ZNF529: variants seen among roughly 807,000 people sequenced by gnomAD.
ZNF529 encodes zinc finger protein 529.
In ZNF529, 11 loss-of-function variants were observed where a neutral mutation model predicts 10.1. The observed-to-expected ratio is 1.09, with a 90% CI of 0.69 to 1.81. The LOEUF is 1.81. Among genes scored for constraint, ZNF529 ranks in the 40% most tolerant of loss-of-function variants. ZNF529 has a pLI of 0.00. For synonymous variants in ZNF529, 204 were observed against 215.7 expected (o/e 0.95, Z 0.47); for missense variants, 624 against 666.8 (o/e 0.94, Z 0.71).
At chr19:36,602,632 A>G (rs2036945370) in intron 1 of ZNF529, among the ~76,000 whole-genome samples, 1 of 152,142 alleles carries the variant, frequency 6.6e-6, no homozygotes, top group South Asian at 2.1e-4. Context: ...GGGGGAAAAA[A>G]AGAAAAAAAC....
chr19:36,575,927 C>A (rs778876431), upstream of ZNF529, among the ~76,000 whole-genome samples: 5 of 151,986 alleles, frequency 3.3e-5, no homozygotes, highest in African/African-American at 4.8e-5. Flanking sequence ...TGGCTCCCTG[C>A]GACCTCTGCC....
chr19:36,555,109 C>T (rs2035414618), intron 3 of ZNF529, among the ~76,000 whole-genome samples: 1 of 152,144 alleles, frequency 6.6e-6, no homozygotes. Flanking sequence ...ATGTGCCTGC[C>T]TCATGAATCA....
Position 36,580,021 on chromosome 19 carries a change from A to T in ZNF529, c.-41+9594T>A, listed in dbSNP as rs977416847. 4.6e-5 allele frequency among the ~76,000 whole-genome samples: 7 copies of T among 152,260 alleles called. No homozygotes were observed. The East Asian group carries it at 9.6e-4, about 21-fold the overall frequency. On this transcript the variant is annotated intron_variant, in intron 2 of 4. Coordinates refer to the ZNF529 transcript ENST00000585960. ...TCTATAGGCTTTTTTCTATTTAAAAATTTTTTTGTTTTAAAAATGTTTGTT... is the reference window on the plus strand; with the variant it reads ...TCTATAGGCTTTTTTCTATTTAAAATTTTTTTTGTTTTAAAAATGTTTGTT...
At chr19:36,557,644 C>G (rs2035531307) in intron 2 of ZNF529, among the ~76,000 whole-genome samples, 1 of 152,192 alleles carries the variant, frequency 6.6e-6, no homozygotes, top group Non-Finnish European at 1.5e-5. Context: ...GGTGGAGATA[C>G]AAGAGCCAAA....
At chr19:36,563,544 T>C (rs34142892) in intron 2 of ZNF529, among the ~76,000 whole-genome samples, 5,923 of 152,016 alleles carry the variant, frequency 0.039, 151 homozygotes, top group Non-Finnish European at 0.057. Context: ...CCATTTACAA[T>C]TGCCACTAAA....
chr19:36,596,521 TTTC>T (rs1264311448), intron 1 of ZNF529, among the ~76,000 whole-genome samples: 3 of 151,804 alleles, frequency 2.0e-5, no homozygotes, highest in Admixed American at 6.6e-5. Context: ...CAACTTTTTT[TTTC>T]TTCTTTTTTT....
intron 1 of ZNF529, among the ~76,000 whole-genome samples, chr19:36,601,141 G>A (rs1198506914): frequency 6.7e-6 from 1 of 150,082 alleles, no homozygotes; most frequent in Non-Finnish European, 1.5e-5. Context: ...TGCTTTTTCT[G>A]TTGGAACCTT....
At chr19:36,593,864 G>C (rs1160420926) in intron 1 of ZNF529, 1 of 152,190 alleles carries the variant, frequency 6.6e-6, no homozygotes, top group East Asian at 1.9e-4. Flanking sequence ...AGACCACAGA[G>C]GCAAGAGCTG....
chr19:36,583,537 A>C (rs1271087232), intron 2 of ZNF529, among the ~76,000 whole-genome samples: 1 of 152,178 alleles, frequency 6.6e-6, no homozygotes, highest in Non-Finnish European at 1.5e-5. Flanking sequence ...TGCCCCACCG[A>C]GATGAGCTCA....
rs746817773 is a variant in ZNF529 at position 36,562,834 on chromosome 19, A to G, written c.15-6637T>C. 7.2e-4 allele frequency among the ~76,000 whole-genome samples: 43 copies of G among 59,994 alleles called. No homozygotes were observed. In the South Asian group the frequency reaches 8.1e-3, roughly 11 times the overall value. The allele number at this position is 59,994 out of a possible 152,430, so 39.4% of individuals were successfully genotyped here. ...CGACAGAGCAACACTCTGTCTCCAGAAAAAAAAAAAAAAAAAGAAGGTGGA... is the reference window on the plus strand; with the variant it reads ...CGACAGAGCAACACTCTGTCTCCAGGAAAAAAAAAAAAAAAAGAAGGTGGA... On this transcript the variant is annotated intron_variant, in intron 2 of 4. Coordinates refer to ENST00000591340, the MANE Select transcript of ZNF529 (RefSeq NM_020951.5).
chr19:36,565,112 CAA>C (rs1289605667), intron 2 of ZNF529, among the ~76,000 whole-genome samples: 4 of 152,016 alleles, frequency 2.6e-5, no homozygotes, highest in Non-Finnish European at 5.9e-5. Flanking sequence ...GGGAGAGAAA[CAA>C]GAGTTGAAAA....
intron 4 of ZNF529, among the ~76,000 whole-genome samples, chr19:36,554,194 C>T (rs985483959): frequency 6.6e-6 from 1 of 152,154 alleles, no homozygotes; most frequent in Non-Finnish European, 1.5e-5. Flanking sequence ...GTAAGAATAT[C>T]ATGAAGAATG....
chr19:36,605,538 G>T (rs547580336), upstream of ZNF529: 2 of 152,374 alleles, frequency 1.3e-5, no homozygotes, highest in East Asian at 3.9e-4. Context: ...GCCGGGCCTC[G>T]GGCGTGGTCC....
chr19:36,569,030 A>G (rs886448629), intron 2 of ZNF529, among the ~76,000 whole-genome samples: 2 of 152,238 alleles, frequency 1.3e-5, no homozygotes, highest in Admixed American at 6.5e-5. Flanking sequence ...GTGAGACCCT[A>G]TGAAATTAAG....
At chr19:36,601,733 T>C (rs1326505532) in intron 1 of ZNF529, among the ~76,000 whole-genome samples, 1 of 152,056 alleles carries the variant, frequency 6.6e-6, no homozygotes. Context: ...AACAGAAAGA[T>C]ATTGAGTATA....
chr19:36,563,975 A>C (rs1364892029), intron 2 of ZNF529, among the ~76,000 whole-genome samples: 3 of 152,200 alleles, frequency 2.0e-5, no homozygotes, highest in African/African-American at 7.2e-5. Flanking sequence ...ACCTACAACC[A>C]ACTGATCTTT....
At position 36,546,927 on chromosome 19, in the gene ZNF529, C is replaced by G; in HGVS notation, c.1631G>C (p.Ser544Thr). 1.2e-6 allele frequency: 2 copies of G among 1,613,718 alleles called. No homozygotes were observed. The highest frequency in any genetic ancestry group is 1.7e-6 in the Non-Finnish European group (2 of 1,179,752). ...TTGGCAAGTAAGATGCCCAACAACACTAAAGGAATTCCCACACTCCTTACA... is the reference window on the plus strand; with the variant it reads ...TTGGCAAGTAAGATGCCCAACAACAGTAAAGGAATTCCCACACTCCTTACA... ...YECKECGNSF[S>T]VVGHLTCQPK... Residue 544 changes from serine (S) to threonine (T), a missense_variant, in exon 5 of 5, where the codon AGT becomes ACT. Coordinates refer to ENST00000591340, the MANE Select transcript of ZNF529 (RefSeq NM_020951.5).
chr19:36,574,963 G>C (rs143258526), upstream of ZNF529: 232 of 467,010 alleles, frequency 5.0e-4, no homozygotes, highest in Non-Finnish European at 1.5e-4. Flanking sequence ...GTTGTGATTT[G>C]TGTGTGTGAG....
At chr19:36,575,430 G>T (rs1427548425), upstream of ZNF529, among the ~76,000 whole-genome samples, 1 of 152,106 alleles carries the variant, frequency 6.6e-6, no homozygotes, top group South Asian at 2.1e-4. Context: ...CTACCACTTT[G>T]AATAGTTATA....
Sources: gnomAD v4.1 joint callset for allele counts (sites outside exome capture counted in the v4.1 genomes callset) on GRCh38, gnomAD v4.1.1 for gene constraint, MANE v1.5 for transcripts, NCBI Gene and HGNC (gene_info 2026-07-23, HGNC 2026-07-21) for gene names.